KDM1A: variants seen among roughly 807,000 people sequenced by gnomAD.
KDM1A encodes the protein lysine demethylase 1A, also known as lysine-specific histone demethylase 1A.
A neutral mutation model predicts 109.4 loss-of-function variants in KDM1A; 49 were observed. The observed-to-expected ratio is 0.45, with a 90% confidence interval of 0.36 to 0.57. The LOEUF is 0.57. KDM1A is among the 20% of genes least tolerant of loss of function. The pLI, the probability that KDM1A is intolerant of heterozygous loss-of-function variation, is 0.00. For synonymous variants in KDM1A, 380 were observed against 415.4 expected, an observed-to-expected ratio of 0.91 and a Z score of 1.04; for missense variants, 668 against 1,116.6, an observed-to-expected ratio of 0.60 and a Z score of 5.73.
At chr1:23,050,195 C>T (rs966832407) in intron 3 of KDM1A, among the ~76,000 whole-genome samples, 192 bp from the exon 4 acceptor site, 51 of 152,276 alleles carry the variant, frequency 3.3e-4, no homozygotes, top group African/African-American at 1.2e-3. Flanking sequence ...TTGTTTCACT[C>T]AGTAAAGTAT....
In KDM1A at chr1:23,083,207, A is replaced by T; in HGVS notation, c.2474A>T (p.Glu825Val). Residue 825 changes from glutamate to valine, a missense_variant, in exon 21 of 21, where the codon GAA becomes GTA. By Grantham distance (121) the Glu-to-Val change is moderately radical. This residue lies in a region of KDM1A where 69 missense variants were observed against 99.6 expected (regional missense o/e 0.69). Coordinates refer to ENST00000400181, the MANE Select transcript of KDM1A (RefSeq NM_001009999.3). Reference protein sequence around the residue: ...QPIPRLFFAGEHTIRNYPATV... With the variant: ...QPIPRLFFAGVHTIRNYPATV... ...ATTCCACGACTCTTCTTTGCGGGAG[A>T]ACATACGATCCGTAACTACCCAGCC... 1 of 1,612,328 alleles carries T rather than the reference A, an allele frequency of 6.2e-7. No homozygotes were observed. Among genetic ancestry groups the T allele is most frequent in the Non-Finnish European group, 8.5e-7 (1 of 1,178,762 alleles).
chr1:23,031,649 T>C (rs1641984436), intron 2 of KDM1A, among the ~76,000 whole-genome samples: 1 of 152,182 alleles, frequency 6.6e-6, no homozygotes, highest in Admixed American at 6.5e-5. Context: ...TGCTTCACTT[T>C]AGGGCATTAC....
At position 23,057,836 on chromosome 1, in the gene KDM1A, C is replaced by T. The variant is rs182898132; in HGVS notation, c.1072+271C>T. The T allele has an allele frequency of 5.0e-5, 11 of 219,298 alleles. No individual in the cohort carries two copies. The East Asian group carries it at 1.2e-3, about 23-fold the overall frequency. The allele number at this position is 219,298 out of a possible 1,614,324, so 13.6% of individuals were successfully genotyped here. A position where few individuals can be genotyped will look rare whatever the true frequency, so the allele number is the denominator to read the frequency against. ...TTTTTTTTTGTGAGACAGAGTCTCG[C>T]TCTGTCACCCAGGCTGGAGTGCAGT... On this transcript the variant is annotated intron_variant, in intron 8 of 20. Transcript: ENST00000400181.
chr1:23,072,006 A>T, intron 13 of KDM1A, 118 bp from the exon 14 acceptor site: 1 of 657,890 alleles, frequency 1.5e-6, no homozygotes, highest in Non-Finnish European at 2.6e-6. Context: ...ATTGAGCCAC[A>T]CTTCCTGTAC....
chr1:23,059,143 A>G lies in KDM1A; in HGVS notation c.1143A>G (p.Pro381=), dbSNP rs1460246952. The G allele has an allele frequency of 1.9e-6, 3 of 1,613,008 alleles. No homozygotes were observed. Among genetic ancestry groups the G allele is most frequent in the Non-Finnish European group, 2.5e-6 (3 of 1,179,498 alleles). ...MELAKIKQKC[P]LYEANGQADT... ...TGGCCAAGATCAAGCAAAAATGCCCACTTTATGAAGCCAACGGACAAGCTG... is the reference window on the plus strand; with the variant it reads ...TGGCCAAGATCAAGCAAAAATGCCCGCTTTATGAAGCCAACGGACAAGCTG... The change falls in exon 9 of 21, where the codon CCA becomes CCG. Residue 381 remains proline (P), a synonymous_variant. Transcript: ENST00000400181.
Position 23,069,627 on chromosome 1 carries a change from A to G in KDM1A, c.1413+476A>G, listed in dbSNP as rs183815742. ...GGTTTAGCTATTCTAAAGCTATCCC[A>G]GTGCCCTCAGCTGAATTCTAGGACT... On this transcript the variant is annotated intron_variant, in intron 12 of 20. Coordinates refer to ENST00000400181, the MANE Select transcript of KDM1A (RefSeq NM_001009999.3). Among the ~76,000 whole-genome samples the G allele has an allele frequency of 2.7e-3, 407 of 152,370 alleles. 4 individuals carry two copies. Among genetic ancestry groups the G allele is most frequent in the African/African-American group, 9.1e-3 (377 of 41,588 alleles).
chr1:23,082,471 G>A, intron 20 of KDM1A, 105 bp downstream of exon 20: 1 of 1,086,222 alleles, frequency 9.2e-7, no homozygotes, highest in Non-Finnish European at 1.3e-6. Flanking sequence ...TCCATCTTCG[G>A]ACCCTTTCAG....
chr1:23,083,450 G>GA lies in KDM1A; in HGVS notation c.*90dup. ...TTCTAGCAATACTAGATCCCACTGA[G>GA]AAAATCCACCCTGGCATCTGGGCTC... On this transcript the variant is annotated 3_prime_UTR_variant, in exon 21 of 21. Coordinates refer to ENST00000400181, the MANE Select transcript of KDM1A (RefSeq NM_001009999.3). 9 of 1,335,262 alleles carry GA rather than the reference G, an allele frequency of 6.7e-6. No homozygotes were observed. Among genetic ancestry groups the GA allele is most frequent in the Non-Finnish European group, 7.0e-6 (7 of 996,070 alleles). The allele number at this position is 1,335,262 out of a possible 1,614,324, so 82.7% of individuals were successfully genotyped here.
In KDM1A at chr1:23,083,427, C is replaced by T; in HGVS notation, c.*63C>T. On this transcript the variant is annotated 3_prime_UTR_variant, in exon 21 of 21. Transcript: ENST00000400181. ...TTTCTGCCATGTAAGGAAGGCTCTT[C>T]TAGCAATACTAGATCCCACTGAGAA... 2 of 1,482,604 alleles carry T rather than the reference C, an allele frequency of 1.3e-6. No individual in the cohort carries two copies. Among genetic ancestry groups the T allele is most frequent in the African/African-American group, 1.4e-5 (1 of 72,212 alleles). 91.8% of individuals were successfully genotyped at this position (1,482,604 alleles called of 1,614,324 possible). A position where few individuals can be genotyped will look rare whatever the true frequency, so the allele number is the denominator to read the frequency against.
At position 23,066,086 on chromosome 1, in the gene KDM1A, A is replaced by G. The variant is rs1208777228; in HGVS notation, c.1179+15A>G. 1.3e-6 allele frequency: 2 copies of G among 1,543,552 alleles called. No homozygotes were observed. Among genetic ancestry groups the G allele is most frequent in the Admixed American group, 3.4e-5 (2 of 59,506 alleles). The stretch of plus-strand genomic sequence containing the variant: ...ACACTGTCAAGGTATTTTTTTCATA[A>G]TTTTTCAAATCATTTTCCTCACTGT... On this transcript the variant is annotated intron_variant, in intron 10 of 20. Transcript: ENST00000400181.
chr1:23,082,952 G>T, intron 20 of KDM1A: 1 of 440,274 alleles, frequency 2.3e-6, no homozygotes. Flanking sequence ...CACATGTTAA[G>T]CATCACTTTA....
chr1:23,080,717 C>T (rs895313216), intron 18 of KDM1A, among the ~76,000 whole-genome samples: 2 of 152,182 alleles, frequency 1.3e-5, no homozygotes, highest in Non-Finnish European at 2.9e-5. Context: ...CTCCCACCCC[C>T]TCGACCCCCT....
chr1:23,050,238 T>TAATA, intron 3 of KDM1A, 149 bp from the exon 4 acceptor site: 2 of 666,596 alleles, frequency 3.0e-6, no homozygotes, highest in Non-Finnish European at 4.5e-6. Flanking sequence ...AATAAGTGGC[T>TAATA]AATATCTAAG....
chr1:23,022,312 A>G (rs879382886), intron 1 of KDM1A, among the ~76,000 whole-genome samples: 7 of 132,724 alleles, frequency 5.3e-5, no homozygotes, highest in South Asian at 2.4e-4. Context: ...AGTTTCTCCA[A>G]TGTTCTTCTT....
chr1:23,023,630 C>T (rs1641708011), intron 1 of KDM1A, among the ~76,000 whole-genome samples: 1 of 152,150 alleles, frequency 6.6e-6, no homozygotes, highest in African/African-American at 2.4e-5. Flanking sequence ...AGGAAGTGTT[C>T]CTCAACTTTG....
At chr1:23,029,634 C>G (rs887077337) in intron 1 of KDM1A, among the ~76,000 whole-genome samples, 2 of 151,942 alleles carry the variant, frequency 1.3e-5, no homozygotes, top group African/African-American at 4.8e-5. Flanking sequence ...CTTAATTTAT[C>G]TTATTTTTAT....
intron 12 of KDM1A, among the ~76,000 whole-genome samples, chr1:23,070,526 G>A (rs1284509534): frequency 6.6e-6 from 1 of 151,312 alleles, no homozygotes; most frequent in East Asian, 2.0e-4. Context: ...ACACATTATA[G>A]GACCAGGCAT....
At chr1:23,071,470 G>A in intron 13 of KDM1A, 111 bp downstream of exon 13, 1 of 1,020,076 alleles carries the variant, frequency 9.8e-7, no homozygotes. Context: ...TGCCTTCAGT[G>A]CAATGAAGAC....
intron 14 of KDM1A, 30 bp downstream of exon 14, chr1:23,072,227 G>A (rs187174891): frequency 8.3e-4 from 1,248 of 1,508,048 alleles, no homozygotes; most frequent in Admixed American, 1.2e-3. Flanking sequence ...AAGTTCAGAG[G>A]GAGAGCTTTT....
Sources: allele counts gnomAD v4.1 joint callset (sites outside exome capture counted in the v4.1 genomes callset), GRCh38; gene constraint gnomAD v4.1.1; regional missense constraint gnomAD v4.1.1; transcripts MANE v1.5; gene names NCBI Gene and HGNC (gene_info 2026-07-23, HGNC 2026-07-21).